ZNF397: variants seen among roughly 807,000 people sequenced by gnomAD.
ZNF397 encodes zinc finger and SCAN domain-containing protein 15.
ZNF397 carries 38 observed loss-of-function variants against 50.6 expected under a neutral mutation model. The observed-to-expected ratio is 0.75, with a 90% CI of 0.58 to 0.98. The LOEUF is 0.98. Ranked by LOEUF, ZNF397 falls within the 50% of genes least tolerant of loss-of-function variation. The probability of loss-of-function intolerance (pLI) is 0.00; values close to 1 mark genes in which losing one functional copy is unlikely to be tolerated. For synonymous variants in ZNF397, 228 were observed against 215.2 expected (o/e 1.06, Z -0.52); for missense variants, 624 against 624.1 (o/e 1.00, Z 0.00).
Position 35,248,423 on chromosome 18 carries a change from C to G in ZNF397, c.*2113C>G, listed in dbSNP as rs541168522. The G allele has an allele frequency of 6.6e-6, 1 of 152,276 alleles. No individual in the cohort carries two copies. The highest frequency in any genetic ancestry group is 2.4e-5 in the African/African-American group (1 of 41,554). 9.4% of individuals were successfully genotyped at this position (152,276 alleles called of 1,614,324 possible). On this transcript the variant is annotated 3_prime_UTR_variant, in exon 4 of 4. Transcript: ENST00000330501. ...AAAATACGTGGTAAGAGCTACTCAA[C>G]TCTTGTTTTTCTCCTTTTCCATAGA...
Position 35,246,429 on chromosome 18 carries a change from G to A in ZNF397, c.*119G>A. The A allele has an allele frequency of 6.9e-7, 1 of 1,449,080 alleles. No individual in the cohort carries two copies. The highest frequency in any genetic ancestry group is 9.1e-7 in the Non-Finnish European group (1 of 1,103,104). The allele number at this position is 1,449,080 out of a possible 1,614,324, so 89.8% of individuals were successfully genotyped here. ...TATAAAATACTAGGTCTTGAGTCTA[G>A]CTTGCTTTGTGCAGCATTTCCCAGT... On this transcript the variant is annotated 3_prime_UTR_variant, in exon 4 of 4. Transcript: ENST00000330501.
At chr18:35,251,387 C>CT (rs1047560780), downstream of ZNF397, 11 of 152,160 alleles carry the variant, frequency 7.2e-5, no homozygotes, top group Admixed American at 4.6e-4. Flanking sequence ...AGGCAACTCA[C>CT]TATCCATTTG....
At chr18:35,253,967 T>G (rs2043692772), downstream of ZNF397, 1 of 1,614,222 alleles carries the variant, frequency 6.2e-7, no homozygotes, top group African/African-American at 1.3e-5. Context: ...CTCTCCAGTA[T>G]GAATTCTCTG....
downstream of ZNF397, chr18:35,251,550 T>C (rs1056205031): frequency 9.2e-5 from 14 of 152,054 alleles, no homozygotes; most frequent in African/African-American, 3.4e-4. Flanking sequence ...AAATCTCCAA[T>C]AGTAATCCCC....
rs761738909 is a variant in ZNF397 at position 35,245,753 on chromosome 18, TTCAA to T, written c.1052_1055del (p.Asn351ArgfsTer89). On this transcript the variant is annotated frameshift_variant, in exon 4 of 4. Transcript: ENST00000330501. LOFTEE classifies it high-confidence loss of function. ...TGAATGTAGTGAATGTGGGAAAGCT[TTCAA>T]TCAGAGCTCAGCCCTCATTAGACAT... is the stretch of plus-strand genomic sequence containing the variant. 2.1e-5 allele frequency: 33 copies of T among 1,552,048 alleles called. No homozygotes were observed. The highest frequency in any genetic ancestry group is 2.9e-5 in the Non-Finnish European group (33 of 1,147,182).
rs1033267830 is a variant in ZNF397, at chr18:35,242,533, A to T, written c.63A>T (p.Leu21=). 6.2e-7 allele frequency: 1 copy of T among 1,614,208 alleles called. No homozygotes were observed. Among genetic ancestry groups the T allele is most frequent in the African/African-American group, 1.3e-5 (1 of 75,062 alleles). ...LIPQDPPEQE[L]ILVKVEDNFS... ...CTCAGGATCCTCCGGAACAAGAACT[A>T]ATACTAGTGAAAGTAGAAGATAACT... The change falls in exon 2 of 4, where the codon CTA becomes CTT. Residue 21 remains leucine, a synonymous_variant. Transcript: ENST00000330501.
At chr18:35,244,939 A>AT (rs1345906977) in intron 3 of ZNF397, among the ~76,000 whole-genome samples, 18 of 152,190 alleles carry the variant, frequency 1.2e-4, no homozygotes, top group African/African-American at 4.3e-4. Flanking sequence ...AAGAAGGTTG[A>AT]TTTTAAAAGG....
At position 35,245,742 on chromosome 18, in the gene ZNF397, G is replaced by A; in HGVS notation, c.1037G>A (p.Cys346Tyr). The change falls in exon 4 of 4, where the codon TGT becomes TAT. Residue 346 changes from cysteine to tyrosine, a missense_variant. Coordinates refer to ENST00000330501, the MANE Select transcript of ZNF397 (RefSeq NM_001135178.3). ...GAGAAAGCATATGAATGTAGTGAAT[G>A]TGGGAAAGCTTTCAATCAGAGCTCA... ...SGEKAYECSECGKAFNQSSAL... is the reference protein window; with the variant it reads ...SGEKAYECSEYGKAFNQSSAL... 1 of 1,552,172 alleles carries A rather than the reference G, an allele frequency of 6.4e-7. No individual in the cohort carries two copies. Among genetic ancestry groups the A allele is most frequent in the East Asian group, 2.4e-5 (1 of 40,914 alleles).
downstream of ZNF397, among the ~76,000 whole-genome samples, chr18:35,250,797 C>T (rs1385539210): frequency 1.3e-5 from 2 of 152,158 alleles, no homozygotes; most frequent in Admixed American, 6.5e-5. Flanking sequence ...GAACACAGGA[C>T]GTGTTTGTGT....
downstream of ZNF397, chr18:35,253,973 C>A (rs200243252): frequency 1.7e-5 from 28 of 1,614,146 alleles, no homozygotes; most frequent in East Asian, 5.6e-4. Context: ...AGTATGAATT[C>A]TCTGATGTCT....
rs745824231 is a variant in ZNF397, at chr18:35,242,874, C to T, written c.404C>T (p.Pro135Leu). ...GATTTAGAGAGGGAGTTTGATGACC[C>T]AGGGCAGCAGGTGGGAACGGAGAAA... ...LEDLEREFDDPGQQVPASPQG... is the reference protein window; with the variant it reads ...LEDLEREFDDLGQQVPASPQG... The change falls in exon 2 of 4, where the codon CCA becomes CTA. Residue 135 changes from proline (P) to leucine (L), a missense_variant. Physicochemically the swap from Pro to Leu is moderately conservative, Grantham distance 98 (BLOSUM62 -3). Coordinates refer to ENST00000330501, the MANE Select transcript of ZNF397 (RefSeq NM_001135178.3). 6.6e-5 allele frequency: 106 copies of T among 1,605,618 alleles called. No individual in the cohort carries two copies. The highest frequency in any genetic ancestry group is 8.3e-5 in the Non-Finnish European group (97 of 1,175,608).
At chr18:35,244,884 A>C (rs1410092397) in intron 3 of ZNF397, among the ~76,000 whole-genome samples, 1 of 151,990 alleles carries the variant, frequency 6.6e-6, no homozygotes, top group Non-Finnish European at 1.5e-5. Context: ...GAGGTTGCGA[A>C]ACCACTTGAG....
Position 35,246,561 on chromosome 18 carries a change from C to A in ZNF397, c.*251C>A. 1 of 1,254,032 alleles carries A rather than the reference C, an allele frequency of 8.0e-7. No homozygotes were observed. The highest frequency in any genetic ancestry group is 1.0e-6 in the Non-Finnish European group (1 of 999,148). The allele number at this position is 1,254,032 out of a possible 1,614,324, so 77.7% of individuals were successfully genotyped here. A position where few individuals can be genotyped will look rare whatever the true frequency, so the allele number is the denominator to read the frequency against. On this transcript the variant is annotated 3_prime_UTR_variant, in exon 4 of 4. Coordinates refer to ENST00000330501, the MANE Select transcript of ZNF397 (RefSeq NM_001135178.3). ...TCTTATTAGGAATACTCAGGAAATA[C>A]GAAAAGTGGGAATGTAACATTGAAA...
chr18:35,257,931 T>C, exon 6 of ZNF397: 1 of 781,082 alleles, frequency 1.3e-6, no homozygotes, highest in Non-Finnish European at 2.4e-6. Context: ...ATTACAGATT[T>C]TTCCTGAAGA....
In ZNF397 at chr18:35,246,175, C is replaced by G. The variant is rs1273795612; in HGVS notation, c.1470C>G (p.Phe490Leu). Residue 490 changes from phenylalanine (F) to leucine (L), a missense_variant, in exon 4 of 4, where the codon TTC (phenylalanine) becomes TTG (leucine). Transcript: ENST00000330501. ...AGTGTAATGAATGTGGCAAAACTTT[C>G]AAAAGGAGCTCAGCCCTTGTTCAGC... Reference protein sequence around the residue: ...PYQCNECGKTFKRSSALVQHQ... With the variant: ...PYQCNECGKTLKRSSALVQHQ... 6.4e-7 allele frequency: 1 copy of G among 1,551,818 alleles called. No homozygotes were observed. Among genetic ancestry groups the G allele is most frequent in the African/African-American group, 1.4e-5 (1 of 73,028 alleles).
downstream of ZNF397, chr18:35,251,466 A>T (rs1252930640): frequency 6.6e-6 from 1 of 152,192 alleles, no homozygotes; most frequent in Non-Finnish European, 1.5e-5. Context: ...AAAGAGGCCG[A>T]ATTGTCCCCC....
intron 2 of ZNF397, 118 bp from the exon 3 acceptor site, chr18:35,243,034 G>C: frequency 9.9e-6 from 15 of 1,521,140 alleles, no homozygotes; most frequent in Non-Finnish European, 1.2e-5. Context: ...CCCTTGAATG[G>C]TCTTTTTCCC....
At chr18:35,257,437 C>T (rs1267079774) in intron 5 of ZNF397, 1 of 156,296 alleles carries the variant, frequency 6.4e-6, no homozygotes, top group Non-Finnish European at 1.4e-5. Context: ...TGGAAGGTGA[C>T]TAGGTCATGA....
At position 35,257,633 on chromosome 18, in the gene ZNF397, C is replaced by T. The variant is rs2043880308; in HGVS notation, c.818-295C>T. On this transcript the variant is annotated intron_variant, in intron 5 of 5. Coordinates refer to the ZNF397 transcript ENST00000261333. ...AAATCCGTGTTGTTTACAAGCCACT[C>T]AGTTGATGGTATTTTGTTATAGCAG... 3.4e-5 allele frequency: 14 copies of T among 411,506 alleles called. No homozygotes were observed. The South Asian group carries it at 4.4e-4, about 13-fold the overall frequency. 25.5% of individuals were successfully genotyped at this position (411,506 alleles called of 1,614,324 possible).
Sources: gnomAD v4.1 joint callset for allele counts (sites outside exome capture counted in the v4.1 genomes callset) on GRCh38, gnomAD v4.1.1 for gene constraint, MANE v1.5 for transcripts, NCBI Gene and HGNC (gene_info 2026-07-23, HGNC 2026-07-21) for gene names.